The following ESR2 variants were observed in gnomAD, a reference collection of about 807,000 sequenced individuals.
ESR2 encodes the protein estrogen receptor 2.
Under a neutral mutation model 49.6 loss-of-function variants are expected in ESR2, and 36 were observed. The observed-to-expected ratio is 0.73, with a 90% CI of 0.56 to 0.96. The LOEUF is 0.96. Among genes scored for constraint, ESR2 ranks in the 40% least tolerant of loss-of-function variants. ESR2 has a pLI of 0.00. For missense variants in ESR2, 714 were observed against 693.0 expected (o/e 1.03, Z -0.34); for synonymous variants, 320 against 266.1 (o/e 1.20, Z -1.97).
At chr14:64,235,251 C>CT in intron 7 of ESR2, 101 bp from the exon 8 acceptor site, 2 of 1,246,756 alleles carry the variant, frequency 1.6e-6, no homozygotes, top group Non-Finnish European at 2.2e-6. Context: ...ATCTGGGTTG[C>CT]TTTGACAGCT....
intron 7 of ESR2, among the ~76,000 whole-genome samples, chr14:64,239,095 G>A (rs60032857): frequency 0.074 from 11,342 of 152,242 alleles, 527 homozygotes; most frequent in Non-Finnish European, 0.094. Flanking sequence ...CGTATGTGGC[G>A]TTTGCTTGTT....
chr14:64,309,322 G>A (rs923166918), intron 1 of ESR2, among the ~76,000 whole-genome samples: 1 of 152,140 alleles, frequency 6.6e-6, no homozygotes, highest in Admixed American at 6.5e-5. Context: ...AAGTAATAGA[G>A]AATCTTAGGC....
intron 3 of ESR2, among the ~76,000 whole-genome samples, chr14:64,272,294 T>C (rs548950467): frequency 6.6e-6 from 1 of 152,350 alleles, no homozygotes; most frequent in South Asian, 2.1e-4. Context: ...ATATTCTGAT[T>C]GTTAATACCT....
chr14:64,260,449 C>A lies in ESR2; in HGVS notation c.952G>T (p.Gly318Cys). Residue 318 changes from glycine to cysteine, a missense_variant and splice_region_variant, in exon 5 of 9, where the codon GGC becomes TGC. By Grantham distance (159) the Gly-to-Cys change is radical. Coordinates refer to ENST00000341099, the MANE Select transcript of ESR2 (RefSeq NM_001437.3). ...HMISWAKKIP[G>C]FVELSLFDQV... ...AAAACTGATAGCCAGAAAGCCCTAC[C>A]GGGAATCTTCTTGGCCCAGCTGATC... 3 of 1,522,628 alleles carry A rather than the reference C, an allele frequency of 2.0e-6. No homozygotes were observed. The highest frequency in any genetic ancestry group is 2.6e-6 in the Non-Finnish European group (3 of 1,136,606). 94.3% of individuals were successfully genotyped at this position (1,522,628 alleles called of 1,614,324 possible). A position where few individuals can be genotyped will look rare whatever the true frequency, so the allele number is the denominator to read the frequency against.
intron 7 of ESR2, among the ~76,000 whole-genome samples, chr14:64,242,549 A>C (rs2075756593): frequency 6.6e-6 from 1 of 151,790 alleles, no homozygotes; most frequent in East Asian, 1.9e-4. Flanking sequence ...TTGTATTCCC[A>C]AAAATTCTGC....
chr14:64,284,388 G>A lies in ESR2; in HGVS notation c.-90-1313C>T, dbSNP rs147378639. Among the ~76,000 whole-genome samples the A allele has an allele frequency of 1.8e-4, 28 of 151,754 alleles. No individual in the cohort carries two copies. In the East Asian group the frequency reaches 3.7e-3, roughly 20 times the overall value. ...GTTGCCTAGGCTGGAGTGCAATGGC[G>A]CCATATCAGCTCACTGCAATCTCTG... On this transcript the variant is annotated intron_variant, in intron 1 of 8. Transcript: ENST00000341099.
intron 6 of ESR2, among the ~76,000 whole-genome samples, chr14:64,250,003 A>G (rs2075957564): frequency 6.6e-6 from 1 of 152,200 alleles, no homozygotes; most frequent in Non-Finnish European, 1.5e-5. Context: ...TACCACTCCT[A>G]TTGATTGTTT....
intron 1 of ESR2, among the ~76,000 whole-genome samples, chr14:64,321,999 C>A (rs1356699741): frequency 6.6e-6 from 1 of 152,046 alleles, no homozygotes; most frequent in Non-Finnish European, 1.5e-5. Context: ...CAGCATCACG[C>A]ATTATGCCCA....
At chr14:64,275,205 C>T (rs1043621425) in intron 3 of ESR2, among the ~76,000 whole-genome samples, 1 of 152,104 alleles carries the variant, frequency 6.6e-6, no homozygotes, top group Non-Finnish European at 1.5e-5. Context: ...TTAAAGTGTC[C>T]AGCTATTACC....
At chr14:64,302,160 TTTTA>T (rs80326062) in intron 1 of ESR2, among the ~76,000 whole-genome samples, 2,811 of 138,184 alleles carry the variant, frequency 0.02, 34 homozygotes, top group Middle Eastern at 0.058. Context: ...TATTTTTTAT[TTTTA>T]TTTATTTATT....
Position 64,282,734 on chromosome 14 carries a change from C to A in ESR2, c.252G>T (p.Gly84=). The A allele has an allele frequency of 6.2e-7, 1 of 1,614,212 alleles. No homozygotes were observed. The highest frequency in any genetic ancestry group is 2.2e-5 in the East Asian group (1 of 44,876). ...TSPNVLWPTP[G]HLSPLVVHRQ... is the part of the protein sequence containing the mutation. Reference sequence around the variant, plus strand: ...GATGGACCACTAAAGGAGAAAGGTGCCCAGGTGTTGGCCACAACACATTTG... The same window carrying A: ...GATGGACCACTAAAGGAGAAAGGTGACCAGGTGTTGGCCACAACACATTTG... Residue 84 remains glycine (G), a synonymous_variant, in exon 2 of 9, where the codon GGG becomes GGT. Coordinates refer to ENST00000341099, the MANE Select transcript of ESR2 (RefSeq NM_001437.3).
intron 7 of ESR2, among the ~76,000 whole-genome samples, chr14:64,247,579 A>G (rs2075889930): frequency 6.6e-6 from 1 of 152,236 alleles, no homozygotes; most frequent in Non-Finnish European, 1.5e-5. Flanking sequence ...AAGGCCCAAT[A>G]TGTTGTCTAA....
downstream of ESR2, chr14:64,228,000 G>A: frequency 6.5e-7 from 1 of 1,544,164 alleles, no homozygotes; most frequent in Non-Finnish European, 8.7e-7. Flanking sequence ...CGATGCACTG[G>A]ATACCAGGAC....
At chr14:64,254,062 C>T (rs1173799147) in intron 6 of ESR2, among the ~76,000 whole-genome samples, 1 of 152,006 alleles carries the variant, frequency 6.6e-6, no homozygotes, top group African/African-American at 2.4e-5. Context: ...TGAGATTTTC[C>T]TCTCATCCTC....
At chr14:64,286,892 T>A (rs1183305226) in intron 1 of ESR2, among the ~76,000 whole-genome samples, 2 of 149,232 alleles carry the variant, frequency 1.3e-5, no homozygotes, top group Non-Finnish European at 3.0e-5. Flanking sequence ...AATTTTTGTA[T>A]TTTTAGTAGA....
At chr14:64,287,924 G>C (rs2076807854) in intron 1 of ESR2, among the ~76,000 whole-genome samples, 1 of 152,206 alleles carries the variant, frequency 6.6e-6, no homozygotes, top group South Asian at 2.1e-4. Context: ...TCTCTAAAGA[G>C]TTTAATTGTT....
intron 3 of ESR2, among the ~76,000 whole-genome samples, chr14:64,278,433 T>C (rs931598553): frequency 2.6e-5 from 4 of 152,200 alleles, no homozygotes; most frequent in Non-Finnish European, 5.9e-5. Flanking sequence ...TCAGTATTTC[T>C]CTGCTTAAGG....
At chr14:64,288,080 G>C (rs1164640439) in intron 1 of ESR2, among the ~76,000 whole-genome samples, 1 of 152,018 alleles carries the variant, frequency 6.6e-6, no homozygotes, top group Non-Finnish European at 1.5e-5. Context: ...TGGTGAACAG[G>C]CTTTGTTTTC....
intron 4 of ESR2, among the ~76,000 whole-genome samples, chr14:64,268,358 C>T (rs2076373674): frequency 6.6e-6 from 1 of 152,210 alleles, no homozygotes; most frequent in African/African-American, 2.4e-5. Flanking sequence ...CTCCCCATGG[C>T]TACCCCAGTA....
Sources: gnomAD v4.1 joint callset for allele counts (sites outside exome capture counted in the v4.1 genomes callset) on GRCh38, gnomAD v4.1.1 for gene constraint, MANE v1.5 for transcripts, NCBI Gene and HGNC (gene_info 2026-07-23, HGNC 2026-07-21) for gene names.